The following NRG1 variants were observed in gnomAD, a reference collection of about 807,000 sequenced individuals.
NRG1 encodes neuregulin 1.
Under a neutral mutation model 63.8 loss-of-function variants are expected in NRG1, and 18 were observed. The ratio of observed to expected loss-of-function variants is 0.28; its 90% CI spans 0.19 to 0.42. The LOEUF (loss-of-function observed/expected upper bound fraction) is 0.42, where lower values mean the gene tolerates loss of function less well. Among genes scored for constraint, NRG1 ranks in the 10% least tolerant of loss-of-function variants. The probability of loss-of-function intolerance (pLI) is 1.00; values close to 1 mark genes in which losing one functional copy is unlikely to be tolerated. For missense variants in NRG1, 762 were observed against 814.7 expected (o/e 0.94, Z 0.79); for synonymous variants, 302 against 301.3 (o/e 1.00, Z -0.02).
chr8:32,197,706 T>C (rs747330317), intron 1 of NRG1, among the ~76,000 whole-genome samples: 1 of 152,208 alleles, frequency 6.6e-6, no homozygotes, highest in Non-Finnish European at 1.5e-5. Flanking sequence ...CAAACAAAAA[T>C]GGGGGCTTGC....
intron 1 of NRG1, among the ~76,000 whole-genome samples, chr8:31,812,376 A>T (rs1194003227): frequency 6.6e-6 from 1 of 152,144 alleles, no homozygotes; most frequent in Non-Finnish European, 1.5e-5. Flanking sequence ...TTAAATTCCC[A>T]GGTGATGTGG....
At chr8:32,110,124 T>TA (rs1831813971) in intron 1 of NRG1, among the ~76,000 whole-genome samples, 1 of 152,266 alleles carries the variant, frequency 6.6e-6, no homozygotes, top group Non-Finnish European at 1.5e-5. Flanking sequence ...TTGTTAGTTT[T>TA]AAAAAATCTT....
intron 1 of NRG1, among the ~76,000 whole-genome samples, chr8:31,984,305 C>A (rs192030061): frequency 6.6e-6 from 1 of 152,184 alleles, no homozygotes; most frequent in Non-Finnish European, 1.5e-5. Context: ...CACTGAGCAT[C>A]TTTTCCTTAA....
chr8:32,669,108 T>C (rs958054776), intron 5 of NRG1, among the ~76,000 whole-genome samples: 1 of 152,244 alleles, frequency 6.6e-6, no homozygotes, highest in African/African-American at 2.4e-5. Flanking sequence ...AAAACATCTC[T>C]GCCATTATGC....
At chr8:32,408,189 G>A (rs1324633407) in intron 1 of NRG1, among the ~76,000 whole-genome samples, 1 of 152,084 alleles carries the variant, frequency 6.6e-6, no homozygotes, top group Non-Finnish European at 1.5e-5. Flanking sequence ...TGATAAGAAG[G>A]TGATCATGTG....
At chr8:32,073,778 A>G (rs559421970) in intron 1 of NRG1, among the ~76,000 whole-genome samples, 5 of 152,306 alleles carry the variant, frequency 3.3e-5, no homozygotes, top group African/African-American at 1.2e-4. Flanking sequence ...TAAACAATGC[A>G]GTTAGGTCAT....
chr8:32,681,288 T>C (rs1808547795), intron 5 of NRG1, among the ~76,000 whole-genome samples: 1 of 152,186 alleles, frequency 6.6e-6, no homozygotes, highest in Non-Finnish European at 1.5e-5. Context: ...TCAAAATGCA[T>C]GACCTAGTCA....
intron 1 of NRG1, among the ~76,000 whole-genome samples, chr8:32,304,999 A>G (rs2129475467): frequency 6.6e-6 from 1 of 152,262 alleles, no homozygotes; most frequent in South Asian, 2.1e-4. Context: ...TGGGCGACAG[A>G]GAGAGACTCT....
chr8:31,978,972 A>G (rs1035897263), intron 1 of NRG1, among the ~76,000 whole-genome samples: 1 of 152,162 alleles, frequency 6.6e-6, no homozygotes, highest in Admixed American at 6.6e-5. Flanking sequence ...TCCTTTAAAA[A>G]CAATAAAACT....
intron 1 of NRG1, among the ~76,000 whole-genome samples, chr8:31,692,952 T>C (rs1453478422): frequency 6.6e-6 from 1 of 152,178 alleles, no homozygotes; most frequent in African/African-American, 2.4e-5. Context: ...ACAACCTGGG[T>C]TGGACGATTA....
rs1815156174 is a variant in NRG1, at chr8:32,412,434, AT to A, written c.38-183393del. ...TCTCTCTCTCTCTACATATATATAT[AT>A]ATATATATATATATATACATATATA... On this transcript the variant is annotated intron_variant, in intron 1 of 10. Coordinates refer to the NRG1 transcript ENST00000519301. 8.0e-4 allele frequency among the ~76,000 whole-genome samples: 32 copies of A among 39,976 alleles called. 1 individual carries two copies. In the South Asian group the frequency reaches 0.048, roughly 60 times the overall value. The allele number at this position is 39,976 out of a possible 152,430, so 26.2% of individuals were successfully genotyped here.
intron 1 of NRG1, among the ~76,000 whole-genome samples, chr8:32,028,653 G>A (rs1291107203): frequency 2.6e-5 from 4 of 152,110 alleles, no homozygotes; most frequent in African/African-American, 9.7e-5. Context: ...TGAAGTTGAA[G>A]TTTTGGAATA....
chr8:32,094,662 T>A (rs887728916), intron 1 of NRG1, among the ~76,000 whole-genome samples: 2 of 152,192 alleles, frequency 1.3e-5, no homozygotes, highest in African/African-American at 2.4e-5. Flanking sequence ...TATCCTAATT[T>A]CTGAAATTAT....
At chr8:31,732,233 T>A (rs1398195142) in intron 1 of NRG1, among the ~76,000 whole-genome samples, 1 of 152,158 alleles carries the variant, frequency 6.6e-6, no homozygotes, top group Non-Finnish European at 1.5e-5. Context: ...GATTAGACAA[T>A]GCTTTGCCTT....
chr8:31,932,391 A>C (rs919720366), intron 1 of NRG1, among the ~76,000 whole-genome samples: 1 of 152,242 alleles, frequency 6.6e-6, no homozygotes, highest in Non-Finnish European at 1.5e-5. Flanking sequence ...CAAAAAGAGA[A>C]GCAACGCTTT....
intron 6 of NRG1, among the ~76,000 whole-genome samples, chr8:32,736,478 G>T (rs553537122): frequency 6.6e-6 from 1 of 152,150 alleles, no homozygotes; most frequent in East Asian, 1.9e-4. Flanking sequence ...GAGAGCAAAG[G>T]CTTTGGTGTC....
intron 1 of NRG1, among the ~76,000 whole-genome samples, chr8:32,072,063 G>C (rs1265665643): frequency 6.6e-6 from 1 of 151,936 alleles, no homozygotes; most frequent in African/African-American, 2.4e-5. Context: ...GAAAAGATAT[G>C]CCACATAACC....
At chr8:32,061,403 A>G (rs920814248) in intron 1 of NRG1, among the ~76,000 whole-genome samples, 1 of 152,044 alleles carries the variant, frequency 6.6e-6, no homozygotes, top group Non-Finnish European at 1.5e-5. Context: ...TCAATGTATC[A>G]TTTTGTGATG....
At chr8:31,811,833 AATTGG>A (rs1822919049) in intron 1 of NRG1, among the ~76,000 whole-genome samples, 1 of 152,178 alleles carries the variant, frequency 6.6e-6, no homozygotes, top group East Asian at 1.9e-4. Context: ...CTTATGCATT[AATTGG>A]ATTGCTAGAT....
Sources: gnomAD v4.1 joint callset for allele counts (sites outside exome capture counted in the v4.1 genomes callset) on GRCh38, gnomAD v4.1.1 for gene constraint, MANE v1.5 for transcripts, NCBI Gene and HGNC (gene_info 2026-07-23, HGNC 2026-07-21) for gene names.